The following CDH18 variants were observed in gnomAD, a reference collection of about 807,000 sequenced individuals.
CDH18 encodes the protein cadherin-18.
Under a neutral mutation model 67.9 loss-of-function variants are expected in CDH18, and 31 were observed. The ratio of observed to expected loss-of-function variants is 0.46; its 90% CI spans 0.34 to 0.62. The LOEUF (loss-of-function observed/expected upper bound fraction) is 0.62, where lower values mean the gene tolerates loss of function less well. CDH18 is among the 20% of genes least tolerant of loss of function. The pLI, the probability that CDH18 is intolerant of heterozygous loss-of-function variation, is 0.01. For missense variants in CDH18, 890 were observed against 975.5 expected, an observed-to-expected ratio of 0.91 and a Z score of 1.17; for synonymous variants, 362 against 347.2, an observed-to-expected ratio of 1.04 and a Z score of -0.48.
intron 1 of CDH18, among the ~76,000 whole-genome samples, chr5:20,352,624 CAA>C (rs35947411): frequency 3.3e-4 from 29 of 89,112 alleles, no homozygotes; most frequent in African/African-American, 4.9e-4. Context: ...ACTAAAAATA[CAA>C]AAAAAAAAAA....
intron 5 of CDH18, among the ~76,000 whole-genome samples, chr5:19,651,273 T>A (rs895208257): frequency 6.6e-6 from 1 of 151,976 alleles, no homozygotes; most frequent in Non-Finnish European, 1.5e-5. Context: ...ATAAAATAAA[T>A]TTAAAAATTT....
intron 2 of CDH18, among the ~76,000 whole-genome samples, chr5:19,843,214 C>T (rs543563591): frequency 2.6e-4 from 39 of 152,182 alleles, no homozygotes; most frequent in Non-Finnish European, 4.7e-4. Flanking sequence ...GAGTCCTAGG[C>T]GGGAAAAAAA....
chr5:19,773,056 T>G (rs1773902489), intron 3 of CDH18, among the ~76,000 whole-genome samples: 1 of 152,186 alleles, frequency 6.6e-6, no homozygotes, highest in African/African-American at 2.4e-5. Context: ...GTTTCTGATA[T>G]AATTTTATAT....
intron 2 of CDH18, among the ~76,000 whole-genome samples, chr5:20,127,178 G>GTT (rs1561812356): frequency 1.8e-4 from 27 of 152,156 alleles, no homozygotes; most frequent in African/African-American, 6.5e-4. Context: ...AGACCTGATT[G>GTT]TTAGAAAGTA....
intron 2 of CDH18, among the ~76,000 whole-genome samples, chr5:20,246,571 G>T (rs1207071820): frequency 6.8e-6 from 1 of 146,320 alleles, no homozygotes; most frequent in Non-Finnish European, 1.5e-5. Context: ...AAAAATGCAG[G>T]AAGTAAAAAT....
intron 1 of CDH18, among the ~76,000 whole-genome samples, chr5:20,389,586 C>A (rs942953248): frequency 2.6e-5 from 4 of 152,134 alleles, no homozygotes; most frequent in South Asian, 4.2e-4. Context: ...AGATTCAATG[C>A]CATCCCCATC....
intron 2 of CDH18, among the ~76,000 whole-genome samples, chr5:20,085,538 G>T (rs950918245): frequency 6.6e-6 from 1 of 152,044 alleles, no homozygotes; most frequent in Admixed American, 6.6e-5. Context: ...TACTGGTACC[G>T]ACTTACTGTA....
intron 12 of CDH18, among the ~76,000 whole-genome samples, chr5:19,476,281 T>C (rs1027365897): frequency 6.6e-6 from 1 of 151,994 alleles, no homozygotes; most frequent in Non-Finnish European, 1.5e-5. Context: ...ATGGGAAGCA[T>C]TGAATTACTA....
intron 2 of CDH18, among the ~76,000 whole-genome samples, chr5:20,050,693 T>C (rs1466187402): frequency 6.6e-6 from 1 of 151,862 alleles, no homozygotes; most frequent in Non-Finnish European, 1.5e-5. Context: ...GGTTAATGCT[T>C]AGCCATAGGC....
At chr5:19,646,880 G>T (rs919006599) in intron 5 of CDH18, among the ~76,000 whole-genome samples, 7 of 152,052 alleles carry the variant, frequency 4.6e-5, no homozygotes, top group Non-Finnish European at 7.4e-5. Flanking sequence ...AGGGATAGAA[G>T]AGAAAAAGAT....
At chr5:19,824,532 G>C (rs574366607) in intron 3 of CDH18, among the ~76,000 whole-genome samples, 1 of 152,128 alleles carries the variant, frequency 6.6e-6, no homozygotes, top group Non-Finnish European at 1.5e-5. Flanking sequence ...AGAGCCACCC[G>C]GACATTTTGA....
intron 9 of CDH18, among the ~76,000 whole-genome samples, chr5:19,530,654 A>G (rs959401060): frequency 6.6e-6 from 1 of 151,970 alleles, no homozygotes; most frequent in Non-Finnish European, 1.5e-5. Flanking sequence ...TCATTGTTCA[A>G]TTCCCACCTA....
chr5:20,355,484 G>A lies in CDH18; in HGVS notation c.-579-99979C>T, dbSNP rs1741537280. ...ATACCCTGCTTGAAAGATATGGGTG[G>A]CCAAAAAAATCTTACATTTCTTTGA... On this transcript the variant is annotated intron_variant, in intron 1 of 14. Coordinates refer to the CDH18 transcript ENST00000507958. Among the ~76,000 whole-genome samples, 5 of 152,002 alleles carry A rather than the reference G, an allele frequency of 3.3e-5. No homozygotes were observed. In the South Asian group the frequency reaches 6.2e-4, roughly 19 times the overall value.
At chr5:20,078,752 G>C (rs1744183032) in intron 2 of CDH18, among the ~76,000 whole-genome samples, 1 of 151,728 alleles carries the variant, frequency 6.6e-6, no homozygotes, top group African/African-American at 2.4e-5. Flanking sequence ...ACAGGCTCCT[G>C]CCACCACGCC....
chr5:19,825,954 A>C (rs1387689873), intron 3 of CDH18, among the ~76,000 whole-genome samples: 1 of 152,166 alleles, frequency 6.6e-6, no homozygotes, highest in Non-Finnish European at 1.5e-5. Context: ...TTCAGGAGAA[A>C]GTTGAAACCC....
chr5:19,822,485 C>A (rs1294845920), intron 3 of CDH18, among the ~76,000 whole-genome samples: 2 of 152,058 alleles, frequency 1.3e-5, no homozygotes, highest in African/African-American at 4.8e-5. Context: ...TAAGTGTCAG[C>A]CAGTTTGAGA....
intron 2 of CDH18, among the ~76,000 whole-genome samples, chr5:20,062,144 A>ATTATTATTATTATTATTAT (rs1742550055): frequency 7.0e-6 from 1 of 143,450 alleles, no homozygotes; most frequent in South Asian, 2.2e-4. Flanking sequence ...GCCCAGAATT[A>ATTATTATTATTATTATTAT]TTATTATTAT....
intron 1 of CDH18, among the ~76,000 whole-genome samples, chr5:20,566,486 A>G (rs1418867204): frequency 2.0e-5 from 3 of 146,872 alleles, no homozygotes; most frequent in Non-Finnish European, 4.5e-5. Context: ...CAGCCTCCCA[A>G]GTAGCTGGGA....
intron 1 of CDH18, among the ~76,000 whole-genome samples, chr5:20,288,132 A>G (rs1746825931): frequency 6.6e-6 from 1 of 151,704 alleles, no homozygotes; most frequent in African/African-American, 2.4e-5. Flanking sequence ...AAATGAAGGC[A>G]TAAATTCCTT....
Sources: allele counts gnomAD v4.1 joint callset (sites outside exome capture counted in the v4.1 genomes callset), GRCh38; gene constraint gnomAD v4.1.1; transcripts MANE v1.5; gene names NCBI Gene and HGNC (gene_info 2026-07-23, HGNC 2026-07-21).